TCP11L1: variants seen among roughly 807,000 people sequenced by gnomAD.
The protein encoded by TCP11L1 is t-complex 11 like 1, also known as T-complex protein 11-like protein 1.
Under a neutral mutation model 48.9 loss-of-function variants are expected in TCP11L1, and 28 were observed. That is an observed-to-expected ratio of 0.57 (90% CI 0.42 to 0.78). The LOEUF (loss-of-function observed/expected upper bound fraction) is 0.78. Among genes scored for constraint, TCP11L1 ranks in the 30% least tolerant of loss-of-function variants. TCP11L1 has a pLI of 0.00. For missense variants in TCP11L1, 505 were observed against 613.4 expected, an observed-to-expected ratio of 0.82 and a Z score of 1.87; for synonymous variants, 204 against 231.9, an observed-to-expected ratio of 0.88 and a Z score of 1.09.
rs1274402070 is a variant in TCP11L1, at chr11:33,043,937, G to A, written c.163+1G>A. On this transcript the variant is annotated splice_donor_variant, in intron 2 of 9. Coordinates refer to ENST00000334274, the MANE Select transcript of TCP11L1 (RefSeq NM_018393.4). LOFTEE classifies it high-confidence loss of function. ...CCCCAAAGAGTGCAGAGACCTCACT[G>A]TAAGCAAATTTGACTTTGGTTAGAT... 6.3e-7 allele frequency: 1 copy of A among 1,585,978 alleles called. No homozygotes were observed. The highest frequency in any genetic ancestry group is 2.3e-5 in the East Asian group (1 of 44,326).
intron 1 of TCP11L1, among the ~76,000 whole-genome samples, chr11:33,042,329 A>G (rs1208830551): frequency 1.3e-5 from 2 of 152,114 alleles, no homozygotes; most frequent in Non-Finnish European, 2.9e-5. Context: ...ACGGGGTTTC[A>G]GCGTGTTAGC....
chr11:33,054,443 C>A, intron 2 of TCP11L1, 150 bp from the exon 3 acceptor site: 1 of 837,826 alleles, frequency 1.2e-6, no homozygotes, highest in Non-Finnish European at 1.8e-6. Flanking sequence ...TATGAAGTAA[C>A]ATTCTGTTGC....
Position 33,043,755 on chromosome 11 carries a change from T to C in TCP11L1, c.-19T>C, listed in dbSNP as rs1239305729. On this transcript the variant is annotated 5_prime_UTR_variant, in exon 2 of 10. An upstream open reading frame in the 5' UTR loses its in-frame stop. Transcript: ENST00000334274. Reference sequence around the variant, plus strand: ...TTTGTTTTTTTCTTTCCTAGGAAAGTGAATAAACTTAATTGAGAATGTCTG... The same window carrying C: ...TTTGTTTTTTTCTTTCCTAGGAAAGCGAATAAACTTAATTGAGAATGTCTG... The C allele has an allele frequency of 7.6e-6, 12 of 1,578,938 alleles. No homozygotes were observed. The Admixed American group carries it at 2.2e-4, about 28-fold the overall frequency.
chr11:33,045,344 C>A (rs1564973816), intron 2 of TCP11L1, among the ~76,000 whole-genome samples: 1 of 142,052 alleles, frequency 7.0e-6, no homozygotes, highest in Non-Finnish European at 1.5e-5. Flanking sequence ...CAAAGTAAGA[C>A]CCTGTCTCAA....
chr11:33,040,764 A>C (rs1853806587), intron 1 of TCP11L1: 2 of 146,206 alleles, frequency 1.4e-5, no homozygotes, highest in African/African-American at 2.7e-5. Context: ...CCTCCTTTTC[A>C]CCTCCTCTCC....
chr11:33,064,357 A>G (rs964795779), intron 7 of TCP11L1, among the ~76,000 whole-genome samples: 1 of 152,136 alleles, frequency 6.6e-6, no homozygotes, highest in African/African-American at 2.4e-5. Context: ...CTCAATCCTC[A>G]GGGTTTTTAC....
intron 9 of TCP11L1, 98 bp from the exon 10 acceptor site, chr11:33,072,376 T>G (rs1156351288): frequency 2.3e-6 from 3 of 1,283,610 alleles, no homozygotes; most frequent in African/African-American, 2.9e-5. Flanking sequence ...CGGGGACAAC[T>G]TCCCCTAAGA....
chr11:33,068,604 T>C, intron 8 of TCP11L1, 83 bp from the exon 9 acceptor site: 1 of 1,507,280 alleles, frequency 6.6e-7, no homozygotes, highest in Non-Finnish European at 9.0e-7. Flanking sequence ...ATTGGTGCCG[T>C]CATTCTCACC....
chr11:33,060,349 C>CT (rs1854432408), intron 6 of TCP11L1, among the ~76,000 whole-genome samples: 1 of 152,136 alleles, frequency 6.6e-6, no homozygotes, highest in African/African-American at 2.4e-5. Flanking sequence ...TTTCCCAAAG[C>CT]TGGGGGGTTA....
At chr11:33,055,892 A>C (rs910097195) in intron 3 of TCP11L1, among the ~76,000 whole-genome samples, 1 of 152,184 alleles carries the variant, frequency 6.6e-6, no homozygotes, top group African/African-American at 2.4e-5. Context: ...ATCTTGGCTC[A>C]CTGCAACCTC....
chr11:33,051,692 CA>C (rs1415372679), intron 2 of TCP11L1, among the ~76,000 whole-genome samples: 2 of 152,110 alleles, frequency 1.3e-5, no homozygotes, highest in African/African-American at 4.8e-5. Flanking sequence ...CTCCTGGCCT[CA>C]AGCAGTCCAC....
rs1379760451 is a variant in TCP11L1, at chr11:33,066,139, G to T, written c.1154+128G>T. 2.4e-6 allele frequency: 3 copies of T among 1,248,038 alleles called. No individual in the cohort carries two copies. In the African/African-American group the frequency reaches 4.5e-5, roughly 19 times the overall value. The allele number at this position is 1,248,038 out of a possible 1,614,324, so 77.3% of individuals were successfully genotyped here. On this transcript the variant is annotated intron_variant, in intron 8 of 9. Coordinates refer to ENST00000334274, the MANE Select transcript of TCP11L1 (RefSeq NM_018393.4). ...TCTCTAGGAACTGAGAAGAAACCTT[G>T]CTGTCTCAGTTGGTTCACTTGGCGA...
chr11:33,057,161 T>C lies in TCP11L1; in HGVS notation c.343T>C (p.Cys115Arg). Residue 115 changes from cysteine to arginine, a missense_variant, in exon 4 of 10, where the codon TGC (cysteine) becomes CGC (arginine). By Grantham distance (180) the Cys-to-Arg change is radical. Coordinates refer to ENST00000334274, the MANE Select transcript of TCP11L1 (RefSeq NM_018393.4). Reference sequence around the variant, plus strand: ...GATTGTACATAAAGCGTTTTGGGATTGCTTGAGTGTGCAGCTAAGTGAAGA... The same window carrying C: ...GATTGTACATAAAGCGTTTTGGGATCGCTTGAGTGTGCAGCTAAGTGAAGA... ...KEIVHKAFWD[C>R]LSVQLSEDPP... The C allele has an allele frequency of 6.2e-7, 1 of 1,614,140 alleles. No individual in the cohort carries two copies. Among genetic ancestry groups the C allele is most frequent in the African/African-American group, 1.3e-5 (1 of 75,048 alleles).
chr11:33,045,035 A>G (rs1853948375), intron 2 of TCP11L1, among the ~76,000 whole-genome samples: 1 of 152,174 alleles, frequency 6.6e-6, no homozygotes, highest in Non-Finnish European at 1.5e-5. Context: ...ATTGCTACTA[A>G]CATTATGTCA....
At chr11:33,041,459 TA>T (rs1853829684) in intron 1 of TCP11L1, 1 of 152,436 alleles carries the variant, frequency 6.6e-6, no homozygotes, top group African/African-American at 2.4e-5. Context: ...TTCATATTAA[TA>T]CAGGCCTGGG....
At chr11:33,046,125 A>G (rs1853987071) in intron 2 of TCP11L1, among the ~76,000 whole-genome samples, 1 of 152,238 alleles carries the variant, frequency 6.6e-6, no homozygotes, top group South Asian at 2.1e-4. Context: ...ATGGTGCTGC[A>G]GGGCAGCCTT....
chr11:33,066,031 G>A lies in TCP11L1; in HGVS notation c.1154+20G>A, dbSNP rs369301732. The A allele has an allele frequency of 4.3e-5, 69 of 1,613,000 alleles. No homozygotes were observed. In the African/African-American group the frequency reaches 4.7e-4, roughly 11 times the overall value. On this transcript the variant is annotated intron_variant, in intron 8 of 9. Coordinates refer to ENST00000334274, the MANE Select transcript of TCP11L1 (RefSeq NM_018393.4). ...CCTGCCGTAAGTGGAACTTTGATGC[G>A]TGGATGGGACGCAGTGGATGTCAGA...
At chr11:33,054,033 T>C (rs1192655111) in intron 2 of TCP11L1, among the ~76,000 whole-genome samples, 6 of 151,978 alleles carry the variant, frequency 3.9e-5, no homozygotes, top group Admixed American at 3.9e-4. Context: ...CCCAGGCTGG[T>C]CTCCAACCCC....
At chr11:33,044,250 G>C (rs1336386538) in intron 2 of TCP11L1, 3 of 205,506 alleles carry the variant, frequency 1.5e-5, no homozygotes, top group African/African-American at 2.3e-5. Flanking sequence ...TATTGAAAGA[G>C]TGTTTGAAAA....
Sources: gnomAD v4.1 joint callset for allele counts (sites outside exome capture counted in the v4.1 genomes callset) on GRCh38, gnomAD v4.1.1 for gene constraint, MANE v1.5 for transcripts, NCBI Gene and HGNC (gene_info 2026-07-23, HGNC 2026-07-21) for gene names.